GATB: variants seen among roughly 807,000 people sequenced by gnomAD.
GATB encodes the protein glutamyl-tRNA amidotransferase subunit B, also known as glutamyl-tRNA(Gln) amidotransferase subunit B, mitochondrial.
A neutral mutation model predicts 62.3 loss-of-function variants in GATB; 39 were observed. The ratio of observed to expected loss-of-function variants is 0.63; its 90% CI spans 0.48 to 0.82. GATB has a LOEUF of 0.82. Ranked by LOEUF, GATB falls within the 40% of genes least tolerant of loss-of-function variation. GATB has a pLI of 0.00. For missense variants in GATB, 670 were observed against 684.0 expected, an observed-to-expected ratio of 0.98 and a Z score of 0.23; for synonymous variants, 276 against 258.9, an observed-to-expected ratio of 1.07 and a Z score of -0.63.
intron 2 of GATB, among the ~76,000 whole-genome samples, chr4:151,739,294 C>G (rs966145734): frequency 1.3e-5 from 2 of 152,176 alleles, no homozygotes; most frequent in African/African-American, 4.8e-5. Flanking sequence ...CAAAGGCTCA[C>G]TAGCAAGAAT....
intron 3 of GATB, 135 bp from the exon 4 acceptor site, chr4:151,717,209 A>C (rs1015512675): frequency 3.5e-5 from 29 of 822,234 alleles, no homozygotes; most frequent in Non-Finnish European, 5.2e-5. Context: ...AAGGAAAAGG[A>C]GAAAAAAATT....
At chr4:151,749,338 T>A (rs1457227396) in intron 2 of GATB, among the ~76,000 whole-genome samples, 1 of 152,220 alleles carries the variant, frequency 6.6e-6, no homozygotes, top group Non-Finnish European at 1.5e-5. Context: ...CCATAAAAAA[T>A]GATAAGTTCA....
chr4:151,688,350 C>T (rs188457939), intron 10 of GATB, among the ~76,000 whole-genome samples: 30 of 152,314 alleles, frequency 2.0e-4, no homozygotes, highest in Non-Finnish European at 5.9e-5. Context: ...GATCTGTATC[C>T]TCCACAAGTT....
chr4:151,705,941 G>A (rs1028317238), intron 6 of GATB, among the ~76,000 whole-genome samples: 1 of 152,058 alleles, frequency 6.6e-6, no homozygotes. Flanking sequence ...AAAGTGCTGG[G>A]ATTACAGGCA....
At chr4:151,697,953 G>GTATATATATATATATATATATA (rs56231389) in intron 9 of GATB, among the ~76,000 whole-genome samples, 3 of 40,598 alleles carry the variant, frequency 7.4e-5, no homozygotes, top group Non-Finnish European at 1.2e-4. Flanking sequence ...GTGTGTGTGT[G>GTATATATATATATATATATATA]TATATATATA....
In GATB at chr4:151,671,024, C is replaced by T. The variant is rs904367414; in HGVS notation, c.*150G>A. ...AGGCACAGGGCCTAGAGGGTGAGAA[C>T]ACTGGTGACATTAATGCCATAGCTG... On this transcript the variant is annotated 3_prime_UTR_variant, in exon 13 of 13. Transcript: ENST00000263985. The T allele has an allele frequency of 1.3e-5, 12 of 905,690 alleles. No individual in the cohort carries two copies. The African/African-American group carries it at 2.0e-4, about 15-fold the overall frequency. The allele number at this position is 905,690 out of a possible 1,614,324, so 56.1% of individuals were successfully genotyped here.
At chr4:151,696,921 T>G (rs1738482101) in intron 9 of GATB, among the ~76,000 whole-genome samples, 1 of 152,248 alleles carries the variant, frequency 6.6e-6, no homozygotes, top group Non-Finnish European at 1.5e-5. Context: ...TATTAGAATC[T>G]CTCGTTTTTT....
Position 151,681,197 on chromosome 4 carries a change from A to G in GATB, c.1332-1306T>C, listed in dbSNP as rs561522108. ...AAACCAATGGAGTGTGTGTTAACCA[A>G]CTGACTTACTGTACTCTAATTCAAG... On this transcript the variant is annotated intron_variant, in intron 10 of 12. Transcript: ENST00000263985. Among the ~76,000 whole-genome samples the G allele has an allele frequency of 3.0e-4, 46 of 152,336 alleles. No homozygotes were observed. In the East Asian group the frequency reaches 4.0e-3, roughly 13 times the overall value.
chr4:151,754,173 G>A (rs1456518471), intron 2 of GATB, among the ~76,000 whole-genome samples: 1 of 152,144 alleles, frequency 6.6e-6, no homozygotes, highest in East Asian at 1.9e-4. Context: ...CCCTTTATCA[G>A]GGCTTATATG....
At chr4:151,758,662 A>G (rs1265259504) in intron 2 of GATB, 110 bp downstream of exon 2, 6 of 945,336 alleles carry the variant, frequency 6.3e-6, no homozygotes, top group Non-Finnish European at 9.1e-6. Flanking sequence ...AACTCCCTAA[A>G]TAAGTATTTC....
intron 10 of GATB, 151 bp downstream of exon 10, chr4:151,688,479 T>C: frequency 4.3e-6 from 3 of 703,918 alleles, no homozygotes; most frequent in East Asian, 2.6e-5. Flanking sequence ...AGAGAACATA[T>C]TTAGAATGTG....
intron 2 of GATB, among the ~76,000 whole-genome samples, chr4:151,750,454 T>C (rs574615572): frequency 9.2e-5 from 14 of 152,120 alleles, no homozygotes; most frequent in Non-Finnish European, 1.9e-4. Context: ...GGAAAAAAGA[T>C]AGATTTGATA....
chr4:151,712,412 T>C (rs1738835641), intron 5 of GATB, among the ~76,000 whole-genome samples: 2 of 152,222 alleles, frequency 1.3e-5, no homozygotes, highest in African/African-American at 4.8e-5. Flanking sequence ...TCAGGCTCAA[T>C]TTCTATCTTC....
rs1738601003 is a variant in GATB, at chr4:151,701,408, A to G, written c.1118T>C (p.Leu373Pro). The G allele has an allele frequency of 6.2e-7, 1 of 1,605,354 alleles. No individual in the cohort carries two copies. Among genetic ancestry groups the G allele is most frequent in the East Asian group, 2.3e-5 (1 of 44,164 alleles). Residue 373 changes from leucine (L) to proline (P), a missense_variant, in exon 9 of 13, where the codon CTC (leucine) becomes CCC (proline). Coordinates refer to ENST00000263985, the MANE Select transcript of GATB (RefSeq NM_004564.3). ...VINIDQIRETLPELPSVTREK... is the reference protein window; with the variant it reads ...VINIDQIRETPPELPSVTREK... ...TCGGGTCACACTGGGGAGCTCCGGG[A>G]GTGTCTCCCGAATCTGGTCAATATT...
intron 10 of GATB, among the ~76,000 whole-genome samples, chr4:151,681,114 T>A (rs970637870): frequency 6.6e-6 from 1 of 152,250 alleles, no homozygotes; most frequent in African/African-American, 2.4e-5. Context: ...TCTTTGGATG[T>A]GCTTAGAAAA....
rs143866442 is a variant in GATB, at chr4:151,736,839, G to C, written c.328-17301C>G. 1.2e-4 allele frequency among the ~76,000 whole-genome samples: 18 copies of C among 152,236 alleles called. No individual in the cohort carries two copies. In the East Asian group the frequency reaches 3.3e-3, roughly 28 times the overall value. On this transcript the variant is annotated intron_variant, in intron 2 of 12. Coordinates refer to ENST00000263985, the MANE Select transcript of GATB (RefSeq NM_004564.3). ...CGAGATCTGATGGTTTTAAAACTGG[G>C]AATTTCCTTGCGCAAGCTCTCCTCT...
chr4:151,715,501 T>C (rs1463115469), intron 5 of GATB, among the ~76,000 whole-genome samples: 1 of 152,246 alleles, frequency 6.6e-6, no homozygotes. Flanking sequence ...AGTTTCCCAC[T>C]GTATTTCCAC....
intron 11 of GATB, chr4:151,674,198 G>A (rs996279684): frequency 5.9e-5 from 9 of 152,222 alleles, no homozygotes; most frequent in Non-Finnish European, 1.0e-4. Context: ...CAGAATGCAC[G>A]TGCCTCCAAC....
intron 2 of GATB, chr4:151,722,513 C>T (rs1031621205): frequency 5.4e-6 from 2 of 370,318 alleles, no homozygotes; most frequent in South Asian, 7.8e-5. Context: ...CATGTCCCCC[C>T]ACAACACCTC....
Sources: allele counts gnomAD v4.1 joint callset (sites outside exome capture counted in the v4.1 genomes callset), GRCh38; gene constraint gnomAD v4.1.1; transcripts MANE v1.5; gene names NCBI Gene and HGNC (gene_info 2026-07-23, HGNC 2026-07-21).